The following PCDH15 variants were observed in gnomAD, a reference collection of about 807,000 sequenced individuals.
PCDH15 encodes the protein protocadherin-15.
Under a neutral mutation model 178.5 loss-of-function variants are expected in PCDH15, and 129 were observed. The observed-to-expected ratio is 0.72, with a 90% CI of 0.63 to 0.84. PCDH15 has a LOEUF of 0.84. PCDH15 is among the 40% of genes least tolerant of loss of function. The pLI, the probability that PCDH15 is intolerant of heterozygous loss-of-function variation, is 0.00. For missense variants in PCDH15, 2,230 were observed against 2,099.9 expected (o/e 1.06, Z -1.21); for synonymous variants, 800 against 732.0 (o/e 1.09, Z -1.50).
At chr10:54,142,170 A>G (rs1365993537) in intron 14 of PCDH15, among the ~76,000 whole-genome samples, 2 of 152,196 alleles carry the variant, frequency 1.3e-5, no homozygotes, top group African/African-American at 4.8e-5. Context: ...CGTGGTCAGA[A>G]GTGCTATAAG....
intron 8 of PCDH15, among the ~76,000 whole-genome samples, chr10:54,265,361 T>C (rs2057603620): frequency 6.6e-6 from 1 of 151,788 alleles, no homozygotes; most frequent in South Asian, 2.1e-4. Context: ...AACTACACAA[T>C]TGAGACTGCA....
chr10:55,269,627 A>G (rs1842388178), intron 1 of PCDH15, among the ~76,000 whole-genome samples: 1 of 152,174 alleles, frequency 6.6e-6, no homozygotes, highest in African/African-American at 2.4e-5. Context: ...GAAAAAAACC[A>G]CAGACAAAAC....
chr10:54,921,703 G>A (rs1837492808), intron 2 of PCDH15, among the ~76,000 whole-genome samples: 1 of 152,052 alleles, frequency 6.6e-6, no homozygotes, highest in African/African-American at 2.4e-5. Flanking sequence ...TAATGTTTAT[G>A]TACCACATTT....
chr10:54,308,426 G>A (rs2060685437), intron 8 of PCDH15, among the ~76,000 whole-genome samples: 2 of 151,808 alleles, frequency 1.3e-5, no homozygotes, highest in African/African-American at 2.4e-5. Context: ...TCCTCCTTTC[G>A]ACTGTTTCTT....
chr10:55,431,036 A>C (rs1838869671), intron 2 of PCDH15, among the ~76,000 whole-genome samples: 1 of 152,220 alleles, frequency 6.6e-6, no homozygotes, highest in Admixed American at 6.5e-5. Flanking sequence ...ATGATTCAGT[A>C]AAGTATTAAA....
At chr10:54,732,788 A>C (rs530399758) in intron 1 of PCDH15, among the ~76,000 whole-genome samples, 3 of 151,562 alleles carry the variant, frequency 2.0e-5, no homozygotes, top group African/African-American at 4.8e-5. Context: ...TTTCTTAACA[A>C]ATTATTAACA....
chr10:55,311,997 T>C (rs1437384869), intron 1 of PCDH15, among the ~76,000 whole-genome samples: 1 of 152,230 alleles, frequency 6.6e-6, no homozygotes, highest in Admixed American at 6.5e-5. Flanking sequence ...GATTTTTACA[T>C]GCTGTGAATC....
At chr10:54,867,908 A>G (rs1384844316) in intron 3 of PCDH15, among the ~76,000 whole-genome samples, 4 of 152,200 alleles carry the variant, frequency 2.6e-5, no homozygotes, top group African/African-American at 9.6e-5. Context: ...GTGACTAACT[A>G]TAATTAATAA....
At chr10:54,755,775 A>G (rs960723040) in intron 1 of PCDH15, among the ~76,000 whole-genome samples, 6 of 152,304 alleles carry the variant, frequency 3.9e-5, no homozygotes, top group African/African-American at 1.4e-4. Context: ...ATGAACTAAA[A>G]ATATCTGTTG....
At position 53,805,012 on chromosome 10, in the gene PCDH15, G is replaced by A. The variant is rs1179077585; in HGVS notation, c.*1567C>T. The A allele has an allele frequency of 2.0e-5, 3 of 151,780 alleles. No individual in the cohort carries two copies. Among genetic ancestry groups the A allele is most frequent in the Non-Finnish European group, 4.4e-5 (3 of 67,886 alleles). 9.4% of individuals were successfully genotyped at this position (151,780 alleles called of 1,614,324 possible). A position where few individuals can be genotyped will look rare whatever the true frequency, so the allele number is the denominator to read the frequency against. On this transcript the variant is annotated 3_prime_UTR_variant, in exon 38 of 38. Transcript: ENST00000644397. Reference sequence around the variant, plus strand: ...AAAATAAGGTAGATGAGATGTTACTGTATTTGATCTCAAATATTTTCTTGG... The same window carrying A: ...AAAATAAGGTAGATGAGATGTTACTATATTTGATCTCAAATATTTTCTTGG...
At chr10:55,395,945 A>G (rs1837918065) in intron 2 of PCDH15, among the ~76,000 whole-genome samples, 1 of 152,176 alleles carries the variant, frequency 6.6e-6, no homozygotes, top group Admixed American at 6.6e-5. Flanking sequence ...TATTCAATCT[A>G]AATTCTACCC....
At chr10:54,488,210 C>A (rs955608639) in intron 3 of PCDH15, among the ~76,000 whole-genome samples, 1 of 151,700 alleles carries the variant, frequency 6.6e-6, no homozygotes, top group Non-Finnish European at 1.5e-5. Flanking sequence ...TGTTTTCAAT[C>A]AAATTAGATT....
At chr10:54,811,357 T>C (rs1056894440) in intron 3 of PCDH15, among the ~76,000 whole-genome samples, 7 of 152,148 alleles carry the variant, frequency 4.6e-5, no homozygotes, top group Non-Finnish European at 7.4e-5. Context: ...TCATGAAAAA[T>C]TCTAGTTTTG....
At chr10:55,134,487 G>C (rs1192235561) in intron 2 of PCDH15, among the ~76,000 whole-genome samples, 1 of 152,166 alleles carries the variant, frequency 6.6e-6, no homozygotes, top group Admixed American at 6.5e-5. Context: ...GGCTATAGAA[G>C]AGAGATATGT....
chr10:54,460,047 G>A (rs910101238), intron 3 of PCDH15, among the ~76,000 whole-genome samples: 2 of 152,062 alleles, frequency 1.3e-5, no homozygotes, highest in Non-Finnish European at 1.5e-5. Flanking sequence ...TTCCACAGAT[G>A]ATTTGGGGAA....
chr10:54,388,101 A>T (rs1950130044), intron 3 of PCDH15, among the ~76,000 whole-genome samples: 1 of 151,588 alleles, frequency 6.6e-6, no homozygotes, highest in African/African-American at 2.4e-5. Flanking sequence ...TGAACTGTAC[A>T]CTCAGATATG....
At chr10:55,006,062 T>C (rs1167416987) in intron 2 of PCDH15, among the ~76,000 whole-genome samples, 2 of 152,066 alleles carry the variant, frequency 1.3e-5, no homozygotes, top group Non-Finnish European at 2.9e-5. Context: ...GTAATTAACT[T>C]ATCCATCACC....
intron 18 of PCDH15, among the ~76,000 whole-genome samples, chr10:54,034,639 T>C (rs554044562): frequency 1.9e-5 from 2 of 103,926 alleles, no homozygotes; most frequent in Non-Finnish European, 4.7e-5. Context: ...AGAGCTAAGA[T>C]GTACACAATG....
chr10:54,653,881 A>G (rs2094318754), intron 2 of PCDH15, among the ~76,000 whole-genome samples: 1 of 152,226 alleles, frequency 6.6e-6, no homozygotes, highest in African/African-American at 2.4e-5. Flanking sequence ...AATTGTGCAC[A>G]TTACATATTT....
Sources: allele counts gnomAD v4.1 joint callset (sites outside exome capture counted in the v4.1 genomes callset), GRCh38; gene constraint gnomAD v4.1.1; transcripts MANE v1.5; gene names NCBI Gene and HGNC (gene_info 2026-07-23, HGNC 2026-07-21).